PCDH9: variants seen among roughly 807,000 people sequenced by gnomAD.
The protein encoded by PCDH9 is protocadherin-9.
In PCDH9, 24 loss-of-function variants were observed where a neutral mutation model predicts 70.6. The ratio of observed to expected loss-of-function variants is 0.34; its 90% CI spans 0.25 to 0.48. The LOEUF is 0.48. Among genes scored for constraint, PCDH9 ranks in the 20% least tolerant of loss-of-function variants. PCDH9 has a pLI of 0.99. For missense variants in PCDH9, 1,281 were observed against 1,503.6 expected (o/e 0.85, Z 2.45); for synonymous variants, 562 against 558.5 (o/e 1.01, Z -0.09).
intron 3 of PCDH9, among the ~76,000 whole-genome samples, chr13:66,858,721 C>A (rs1323596407): frequency 2.0e-5 from 3 of 152,108 alleles, no homozygotes; most frequent in Non-Finnish European, 4.4e-5. Context: ...CTAGAAATTT[C>A]TATTTTATTG....
chr13:66,647,882 C>G (rs1237635083), intron 3 of PCDH9, among the ~76,000 whole-genome samples: 1 of 152,084 alleles, frequency 6.6e-6, no homozygotes, highest in East Asian at 1.9e-4. Flanking sequence ...ACTGAAGAGC[C>G]CTTGGGCCTT....
intron 4 of PCDH9, among the ~76,000 whole-genome samples, chr13:66,516,369 T>G (rs955348231): frequency 2.0e-5 from 3 of 152,062 alleles, no homozygotes; most frequent in Non-Finnish European, 4.4e-5. Flanking sequence ...TTGGCCTTCA[T>G]TTTTATGTTA....
At chr13:66,533,244 A>T (rs920500417) in intron 4 of PCDH9, among the ~76,000 whole-genome samples, 8 of 152,146 alleles carry the variant, frequency 5.3e-5, no homozygotes, top group African/African-American at 1.7e-4. Flanking sequence ...AGCTTTAAAT[A>T]AAAGTCATTT....
chr13:66,958,171 C>T (rs1208512672), intron 2 of PCDH9, among the ~76,000 whole-genome samples: 1 of 152,022 alleles, frequency 6.6e-6, no homozygotes, highest in African/African-American at 2.4e-5. Flanking sequence ...TTTGACGGAG[C>T]GTACAATATG....
At chr13:66,421,735 T>A (rs1211855459) in intron 4 of PCDH9, among the ~76,000 whole-genome samples, 1 of 152,096 alleles carries the variant, frequency 6.6e-6, no homozygotes, top group Non-Finnish European at 1.5e-5. Context: ...CCATTGACAC[T>A]ATGAAGAAAC....
At chr13:66,769,544 G>T (rs1360204014) in intron 3 of PCDH9, among the ~76,000 whole-genome samples, 2 of 151,744 alleles carry the variant, frequency 1.3e-5, no homozygotes, top group Non-Finnish European at 2.9e-5. Context: ...TAACAGTGTG[G>T]TTACAATTCT....
At chr13:66,434,048 GTATC>G (rs1299711650) in intron 4 of PCDH9, among the ~76,000 whole-genome samples, 1 of 151,828 alleles carries the variant, frequency 6.6e-6, no homozygotes, top group Non-Finnish European at 1.5e-5. Context: ...TGATGGAGTT[GTATC>G]CAATGTCCCT....
At chr13:66,469,845 T>A (rs1004141595) in intron 4 of PCDH9, among the ~76,000 whole-genome samples, 1 of 152,156 alleles carries the variant, frequency 6.6e-6, no homozygotes, top group Non-Finnish European at 1.5e-5. Flanking sequence ...TATCCTTCTA[T>A]CACGGACATT....
chr13:66,850,185 G>A (rs1416705067), intron 3 of PCDH9, among the ~76,000 whole-genome samples: 1 of 152,144 alleles, frequency 6.6e-6, no homozygotes, highest in African/African-American at 2.4e-5. Context: ...CACCACTAGA[G>A]AAACATATTA....
At chr13:66,543,360 G>A (rs972193605) in intron 4 of PCDH9, among the ~76,000 whole-genome samples, 11 of 152,054 alleles carry the variant, frequency 7.2e-5, no homozygotes, top group Non-Finnish European at 1.6e-4. Flanking sequence ...CACGAGGTCA[G>A]GAGATCAAGA....
At chr13:66,937,081 A>C (rs1384854516) in intron 2 of PCDH9, among the ~76,000 whole-genome samples, 2 of 152,206 alleles carry the variant, frequency 1.3e-5, no homozygotes, top group East Asian at 3.8e-4. Flanking sequence ...ATAATTTTCC[A>C]GTTTTATTAT....
At chr13:66,808,606 C>T (rs917833663) in intron 3 of PCDH9, among the ~76,000 whole-genome samples, 2 of 152,036 alleles carry the variant, frequency 1.3e-5, no homozygotes, top group Non-Finnish European at 2.9e-5. Context: ...CCTTCAAATC[C>T]CAGATGATTG....
intron 4 of PCDH9, among the ~76,000 whole-genome samples, chr13:66,545,056 G>C (rs1302837774): frequency 6.6e-6 from 1 of 152,104 alleles, no homozygotes; most frequent in African/African-American, 2.4e-5. Context: ...TATAAAAATG[G>C]TTCAAGCAAA....
intron 4 of PCDH9, among the ~76,000 whole-genome samples, chr13:66,416,167 C>G (rs922559910): frequency 3.9e-5 from 6 of 151,958 alleles, no homozygotes; most frequent in Admixed American, 3.9e-4. Flanking sequence ...TTTTTCTGGG[C>G]ATTCTGAATA....
chr13:66,582,083 C>T (rs943894213), intron 4 of PCDH9, among the ~76,000 whole-genome samples: 1 of 152,014 alleles, frequency 6.6e-6, no homozygotes, highest in African/African-American at 2.4e-5. Context: ...CATTACACAC[C>T]TAACCTATCA....
chr13:66,675,282 C>T (rs1007206145), intron 3 of PCDH9, among the ~76,000 whole-genome samples: 27 of 152,018 alleles, frequency 1.8e-4, no homozygotes, highest in African/African-American at 6.5e-4. Flanking sequence ...CCTTTGTCCA[C>T]GGTTTGATTT....
chr13:66,952,372 A>C lies in PCDH9; in HGVS notation c.3037-48767T>G, dbSNP rs112021470. ...TAAGACTGCTTCACAGACATGTCTT[A>C]AAAATTGGTGTAAGTTAATGATTTA... On this transcript the variant is annotated intron_variant, in intron 2 of 4. Transcript: ENST00000377865. 6.6e-4 allele frequency among the ~76,000 whole-genome samples: 101 copies of C among 152,340 alleles called. 1 individual carries two copies. The highest frequency in any genetic ancestry group is 2.3e-3 in the African/African-American group (96 of 41,586).
chr13:66,414,003 A>G (rs1373746797), intron 4 of PCDH9, among the ~76,000 whole-genome samples: 1 of 152,058 alleles, frequency 6.6e-6, no homozygotes, highest in Non-Finnish European at 1.5e-5. Context: ...TTATCTAGAC[A>G]ATGAATAGAA....
chr13:67,148,652 T>C (rs1320310671), intron 2 of PCDH9, among the ~76,000 whole-genome samples: 1 of 152,184 alleles, frequency 6.6e-6, no homozygotes, highest in Non-Finnish European at 1.5e-5. Context: ...ATTTCAGTCA[T>C]GTTTTTCTTC....
Sources: gnomAD v4.1 joint callset for allele counts (sites outside exome capture counted in the v4.1 genomes callset) on GRCh38, gnomAD v4.1.1 for gene constraint, MANE v1.5 for transcripts, NCBI Gene and HGNC (gene_info 2026-07-23, HGNC 2026-07-21) for gene names.